The following ZFP62 variants were observed in gnomAD, a reference collection of about 807,000 sequenced individuals.
The protein encoded by ZFP62 is ZFP62 zinc finger protein, also known as zinc finger protein 62 homolog.
A neutral mutation model predicts 56.4 loss-of-function variants in ZFP62; 44 were observed. The observed-to-expected ratio is 0.78, with a 90% CI of 0.61 to 1.00. The LOEUF is 1.00. Among genes scored for constraint, ZFP62 ranks in the 50% least tolerant of loss-of-function variants. ZFP62 has a pLI of 0.00. For synonymous variants in ZFP62, 421 were observed against 388.9 expected, an observed-to-expected ratio of 1.08 and a Z score of -0.97; for missense variants, 1,030 against 1,085.7, an observed-to-expected ratio of 0.95 and a Z score of 0.72.
At position 180,848,509 on chromosome 5, in the gene ZFP62, G is replaced by A. The variant is rs1258876722; in HGVS notation, c.*283C>T. Reference sequence around the variant, plus strand: ...TTTCCTCATCTGTGTTTTATGTCCAGAAATGTCTACTGATTTTGAAGATTT... The same window carrying A: ...TTTCCTCATCTGTGTTTTATGTCCAAAAATGTCTACTGATTTTGAAGATTT... On this transcript the variant is annotated 3_prime_UTR_variant, in exon 2 of 2. Transcript: ENST00000502412. 8.8e-7 allele frequency: 1 copy of A among 1,139,264 alleles called. No individual in the cohort carries two copies. The highest frequency in any genetic ancestry group is 4.0e-5 in the South Asian group (1 of 24,718). 70.6% of individuals were successfully genotyped at this position (1,139,264 alleles called of 1,614,324 possible).
At chr5:180,828,835 A>G in the ZFP62 span, among the ~76,000 whole-genome samples, 1 of 152,226 alleles carries the variant, frequency 6.6e-6, no homozygotes, top group Non-Finnish European at 1.5e-5. Context: ...ACGTGCAAGT[A>G]GGGAAGATAT....
the ZFP62 span, among the ~76,000 whole-genome samples, chr5:180,828,817 A>G: frequency 4.6e-5 from 7 of 152,222 alleles, 1 homozygote; most frequent in Admixed American, 4.6e-4. Flanking sequence ...CAGAGAGCCT[A>G]TAAATGGACG....
At chr5:180,827,054 TG>T in the ZFP62 span, among the ~76,000 whole-genome samples, 1 of 152,252 alleles carries the variant, frequency 6.6e-6, no homozygotes, top group Non-Finnish European at 1.5e-5. Flanking sequence ...TGTGTTCCTT[TG>T]AGCCTTGGTC....
intron 1 of ZFP62, 70 bp from the exon 2 acceptor site, chr5:180,851,563 A>G (rs1472362540): frequency 2.4e-5 from 34 of 1,420,480 alleles, no homozygotes; most frequent in Non-Finnish European, 3.2e-5. Flanking sequence ...CTGGAATAAC[A>G]ATGAACAACA....
chr5:180,849,644 G>A lies in ZFP62; in HGVS notation c.1851C>T (p.Tyr617=). The A allele has an allele frequency of 6.4e-7, 1 of 1,551,654 alleles. No homozygotes were observed. Among genetic ancestry groups the A allele is most frequent in the Non-Finnish European group, 8.7e-7 (1 of 1,146,968 alleles). Residue 617 remains tyrosine (Y), a synonymous_variant, in exon 2 of 2, where the codon TAC becomes TAT. Transcript: ENST00000502412. ...AAGATTTCTCACACACATCACATTTGTAGGGCTTCTCCCCAAGATGAACTT... is the reference window on the plus strand; with the variant it reads ...AAGATTTCTCACACACATCACATTTATAGGGCTTCTCCCCAAGATGAACTT... The part of the protein sequence containing the change: ...HKKVHLGEKP[Y]KCDVCEKSFN...
chr5:180,852,937 A>ATT (rs902422594), intron 1 of ZFP62, among the ~76,000 whole-genome samples: 141 of 152,368 alleles, frequency 9.3e-4, no homozygotes, highest in African/African-American at 3.3e-3. Context: ...GCTTGACAAT[A>ATT]CACTGTTGAT....
chr5:180,842,605 C>A, the ZFP62 span, among the ~76,000 whole-genome samples: 15,937 of 152,144 alleles, frequency 0.1, 2,099 homozygotes, highest in African/African-American at 0.31. Context: ...CCACAAAAAA[C>A]CATTTTTAAG....
downstream of ZFP62, chr5:180,845,790 CCT>C (rs1177279265): frequency 7.1e-6 from 7 of 985,298 alleles, no homozygotes; most frequent in African/African-American, 1.0e-4. Flanking sequence ...TGGTGGTGAT[CCT>C]CTCATTTCTG....
Position 180,848,656 on chromosome 5 carries a change from T to G in ZFP62, c.*136A>C. 2 of 1,382,974 alleles carry G rather than the reference T, an allele frequency of 1.4e-6. No homozygotes were observed. The highest frequency in any genetic ancestry group is 1.9e-6 in the Non-Finnish European group (2 of 1,068,446). 85.7% of individuals were successfully genotyped at this position (1,382,974 alleles called of 1,614,324 possible). A position where few individuals can be genotyped will look rare whatever the true frequency, so the allele number is the denominator to read the frequency against. On this transcript the variant is annotated 3_prime_UTR_variant, in exon 2 of 2. Coordinates refer to ENST00000502412, the MANE Select transcript of ZFP62 (RefSeq NM_001172638.2). ...TTGCTTGCTATGATTGAAAATCACATAGAAAGGATTCCTCATAATCCTCTA... is the reference window on the plus strand; with the variant it reads ...TTGCTTGCTATGATTGAAAATCACAGAGAAAGGATTCCTCATAATCCTCTA...
At chr5:180,834,102 G>A in the ZFP62 span, among the ~76,000 whole-genome samples, 1 of 152,198 alleles carries the variant, frequency 6.6e-6, no homozygotes, top group Non-Finnish European at 1.5e-5. Flanking sequence ...ACTTTGGGAA[G>A]TAACTAATTA....
the ZFP62 span, among the ~76,000 whole-genome samples, chr5:180,842,083 G>A: frequency 6.6e-6 from 1 of 152,068 alleles, no homozygotes; most frequent in East Asian, 1.9e-4. Flanking sequence ...CTATTACTGA[G>A]AAACAGAAAA....
rs373060035 is a variant in ZFP62, at chr5:180,850,202, A to G, written c.1293T>C (p.Ser431=). ...TGTGTTGAAGAAGTAGTGAGTTATA[A>G]CTAAAGGATTTCCCACACTCCTTAC... The part of the protein sequence containing the change: ...HECKECGKSF[S]YNSLLLQHRT... Residue 431 remains serine (S), a synonymous_variant, in exon 2 of 2, where the codon AGT becomes AGC. Coordinates refer to ENST00000502412, the MANE Select transcript of ZFP62 (RefSeq NM_001172638.2). 60 of 1,552,138 alleles carry G rather than the reference A, an allele frequency of 3.9e-5. No homozygotes were observed. In the African/African-American group the frequency reaches 7.0e-4, roughly 18 times the overall value.
At chr5:180,828,599 A>G in the ZFP62 span, among the ~76,000 whole-genome samples, 3 of 152,226 alleles carry the variant, frequency 2.0e-5, no homozygotes, top group Non-Finnish European at 4.4e-5. Flanking sequence ...TGTTATCTTC[A>G]TAAGCTGAGC....
chr5:180,829,657 C>T, the ZFP62 span, among the ~76,000 whole-genome samples: 1 of 152,224 alleles, frequency 6.6e-6, no homozygotes, highest in Non-Finnish European at 1.5e-5. Flanking sequence ...ATAAGTTTCT[C>T]TGCTTTAAAA....
downstream of ZFP62, among the ~76,000 whole-genome samples, chr5:180,845,458 T>C (rs1371999166): frequency 1.3e-5 from 2 of 149,562 alleles, no homozygotes; most frequent in Non-Finnish European, 3.0e-5. Context: ...GTGGAGACCA[T>C]GTCCTCGGCC....
At chr5:180,830,063 C>G in the ZFP62 span, 128 of 152,318 alleles carry the variant, frequency 8.4e-4, no homozygotes, top group African/African-American at 2.7e-3. Context: ...ACCACCAAGA[C>G]CCCCTCACCC....
At chr5:180,839,657 G>C in the ZFP62 span, among the ~76,000 whole-genome samples, 1 of 152,102 alleles carries the variant, frequency 6.6e-6, no homozygotes, top group South Asian at 2.1e-4. Flanking sequence ...AATTCCTATT[G>C]GGTACTATGC....
the ZFP62 span, among the ~76,000 whole-genome samples, chr5:180,837,755 G>A: frequency 6.6e-6 from 1 of 152,116 alleles, no homozygotes; most frequent in Non-Finnish European, 1.5e-5. Context: ...AGAAGACTAC[G>A]TAACTGAAAA....
At chr5:180,855,454 G>C (rs1204356604) in intron 1 of ZFP62, among the ~76,000 whole-genome samples, 2 of 152,032 alleles carry the variant, frequency 1.3e-5, no homozygotes, top group Non-Finnish European at 2.9e-5. Context: ...GCTGCTGCTT[G>C]CCCTCCGCGC....
Sources: gnomAD v4.1 joint callset for allele counts (sites outside exome capture counted in the v4.1 genomes callset) on GRCh38, gnomAD v4.1.1 for gene constraint, MANE v1.5 for transcripts, NCBI Gene and HGNC (gene_info 2026-07-23, HGNC 2026-07-21) for gene names.